SPIRE1: variants seen among roughly 807,000 people sequenced by gnomAD.
SPIRE1 encodes the protein spire type actin nucleation factor 1, also known as protein spire homolog 1.
Under a neutral mutation model 94.1 loss-of-function variants are expected in SPIRE1, and 40 were observed. The observed-to-expected ratio is 0.43, with a 90% confidence interval of 0.33 to 0.55. SPIRE1 has a LOEUF of 0.55. Ranked by LOEUF, SPIRE1 falls within the 20% of genes least tolerant of loss-of-function variation. The pLI is 0.06. For synonymous variants in SPIRE1, 376 were observed against 371.7 expected, an observed-to-expected ratio of 1.01 and a Z score of -0.13; for missense variants, 838 against 975.2, an observed-to-expected ratio of 0.86 and a Z score of 1.87.
chr18:12,458,377 C>T (rs570440021), intron 12 of SPIRE1, among the ~76,000 whole-genome samples: 10 of 151,448 alleles, frequency 6.6e-5, no homozygotes, highest in South Asian at 2.1e-4. Context: ...TTTGGGAGGC[C>T]GAGGTGGGCG....
chr18:12,584,605 C>T (rs1245041071), intron 2 of SPIRE1, among the ~76,000 whole-genome samples: 1 of 151,892 alleles, frequency 6.6e-6, no homozygotes, highest in African/African-American at 2.4e-5. Context: ...AATAATAAAT[C>T]CATAGTCACA....
chr18:12,610,735 C>G (rs2037115853), intron 2 of SPIRE1, among the ~76,000 whole-genome samples: 1 of 152,124 alleles, frequency 6.6e-6, no homozygotes, highest in South Asian at 2.1e-4. Context: ...CACTCACTCT[C>G]CCACTGTCCT....
At chr18:12,494,586 T>C (rs898075841) in intron 7 of SPIRE1, among the ~76,000 whole-genome samples, 2 of 151,750 alleles carry the variant, frequency 1.3e-5, no homozygotes, top group African/African-American at 4.8e-5. Context: ...TCCCAGCACT[T>C]TGGGAGGCCG....
At chr18:12,622,421 C>CTTTTTTTTT (rs71371281) in intron 2 of SPIRE1, among the ~76,000 whole-genome samples, 6 of 114,854 alleles carry the variant, frequency 5.2e-5, no homozygotes, top group East Asian at 5.7e-4. Flanking sequence ...TATGTCCAGT[C>CTTTTTTTTT]TTTTTTTTTT....
chr18:12,558,775 G>A (rs1362011196), intron 2 of SPIRE1, among the ~76,000 whole-genome samples: 1 of 150,722 alleles, frequency 6.6e-6, no homozygotes, highest in African/African-American at 2.4e-5. Context: ...AGACACAGAG[G>A]GCTGATTGGT....
chr18:12,557,925 G>A lies in SPIRE1; in HGVS notation c.373-11021C>T, dbSNP rs191537340. Among the ~76,000 whole-genome samples the A allele has an allele frequency of 1.8e-3, 270 of 151,986 alleles. 3 individuals are homozygous for A. The highest frequency in any genetic ancestry group is 2.3e-3 in the East Asian group (12 of 5,168). ...CAAGAATATACACTGGGGAAAAGAC[G>A]GTCTCTTCAATAAATGGCAGGAAAA... is the stretch of plus-strand genomic sequence containing the variant. On this transcript the variant is annotated intron_variant, in intron 2 of 16. Coordinates refer to ENST00000409402, the MANE Select transcript of SPIRE1 (RefSeq NM_001128626.2).
At chr18:12,454,112 T>C (rs1257906756) in intron 13 of SPIRE1, among the ~76,000 whole-genome samples, 1 of 152,172 alleles carries the variant, frequency 6.6e-6, no homozygotes, top group Non-Finnish European at 1.5e-5. Context: ...GACATATCGA[T>C]ATTTGTTATG....
intron 12 of SPIRE1, chr18:12,459,985 A>G (rs2031710556): frequency 3.5e-6 from 3 of 853,336 alleles, no homozygotes; most frequent in Non-Finnish European, 2.8e-6. Flanking sequence ...AGGAGAAAAT[A>G]ATGCTGAACA....
intron 6 of SPIRE1, among the ~76,000 whole-genome samples, chr18:12,498,040 A>C (rs1331634046): frequency 1.3e-5 from 2 of 152,182 alleles, no homozygotes; most frequent in African/African-American, 4.8e-5. Flanking sequence ...GGGTGGAGGA[A>C]GCTCCCTTAT....
chr18:12,587,602 G>A (rs139350224), intron 2 of SPIRE1, among the ~76,000 whole-genome samples: 80 of 152,172 alleles, frequency 5.3e-4, no homozygotes, highest in African/African-American at 1.9e-3. Flanking sequence ...TCACAGGCCT[G>A]CAGAATTAGA....
rs1036351274 is a variant in SPIRE1, at chr18:12,556,731, G to A, written c.373-9827C>T. ...GGGTTCATGGTCTTGCTGGCTTCAG[G>A]AGTGAAGCTGCAGACCTTGGCGGTG... On this transcript the variant is annotated intron_variant, in intron 2 of 16. Coordinates refer to ENST00000409402, the MANE Select transcript of SPIRE1 (RefSeq NM_001128626.2). Among the ~76,000 whole-genome samples, 8 of 152,302 alleles carry A rather than the reference G, an allele frequency of 5.3e-5. No homozygotes were observed. The South Asian group carries it at 6.2e-4, about 12-fold the overall frequency.
intron 2 of SPIRE1, among the ~76,000 whole-genome samples, chr18:12,584,793 T>A (rs939280798): frequency 6.6e-6 from 1 of 151,804 alleles, no homozygotes; most frequent in Non-Finnish European, 1.5e-5. Context: ...ATATATATAT[T>A]TTTTGAGAGG....
chr18:12,540,392 T>C (rs572266269), intron 3 of SPIRE1, among the ~76,000 whole-genome samples: 2 of 152,202 alleles, frequency 1.3e-5, no homozygotes, highest in African/African-American at 4.8e-5. Flanking sequence ...ACTTTTTTTT[T>C]GAAATGGGGT....
At chr18:12,568,644 A>G (rs759494162) in intron 2 of SPIRE1, among the ~76,000 whole-genome samples, 7 of 152,250 alleles carry the variant, frequency 4.6e-5, no homozygotes, top group South Asian at 4.1e-4. Flanking sequence ...ATGGCTAATT[A>G]TATACCTATC....
chr18:12,591,010 C>A (rs1394525806), intron 2 of SPIRE1, among the ~76,000 whole-genome samples: 1 of 152,090 alleles, frequency 6.6e-6, no homozygotes, highest in African/African-American at 2.4e-5. Context: ...AACATACATT[C>A]TAGAAGAGGG....
chr18:12,493,320 G>T, intron 7 of SPIRE1, 119 bp from the exon 8 acceptor site: 5 of 930,136 alleles, frequency 5.4e-6, no homozygotes, highest in Non-Finnish European at 7.9e-6. Flanking sequence ...CTTGATAAAA[G>T]ATTACTTTCA....
chr18:12,472,013 G>A (rs2032381230), intron 10 of SPIRE1, among the ~76,000 whole-genome samples: 1 of 152,122 alleles, frequency 6.6e-6, no homozygotes, highest in Non-Finnish European at 1.5e-5. Flanking sequence ...TTCAACTCCT[G>A]ACCTCAAGTG....
chr18:12,500,002 T>C (rs1345961051), intron 6 of SPIRE1, among the ~76,000 whole-genome samples: 3 of 152,186 alleles, frequency 2.0e-5, no homozygotes, highest in Admixed American at 2.0e-4. Flanking sequence ...TGGAGGCCAT[T>C]ATCCTAAGTG....
At chr18:12,613,276 CCT>C (rs1337215214) in intron 2 of SPIRE1, among the ~76,000 whole-genome samples, 1 of 152,122 alleles carries the variant, frequency 6.6e-6, no homozygotes, top group Admixed American at 6.6e-5. Context: ...AATCTTTCTC[CCT>C]GTGTCCACCT....
Sources: allele counts gnomAD v4.1 joint callset (sites outside exome capture counted in the v4.1 genomes callset), GRCh38; gene constraint gnomAD v4.1.1; transcripts MANE v1.5; gene names NCBI Gene and HGNC (gene_info 2026-07-23, HGNC 2026-07-21).